Variants in DHX40 observed in about 807,000 individuals in gnomAD.
DHX40 encodes probable ATP-dependent RNA helicase DHX40.
DHX40 carries 28 observed loss-of-function variants against 89.6 expected under a neutral mutation model. The observed-to-expected ratio is 0.31, with a 90% CI of 0.23 to 0.43. DHX40 has a LOEUF of 0.43. Among genes scored for constraint, DHX40 ranks in the 20% least tolerant of loss-of-function variants. DHX40 has a pLI of 1.00. For missense variants in DHX40, 457 were observed against 844.0 expected, an observed-to-expected ratio of 0.54 and a Z score of 5.68; for synonymous variants, 226 against 283.6, an observed-to-expected ratio of 0.80 and a Z score of 2.04.
intron 14 of DHX40, among the ~76,000 whole-genome samples, chr17:59,601,142 TA>T (rs754817890): frequency 5.3e-3 from 646 of 122,508 alleles, no homozygotes; most frequent in Middle Eastern, 8.3e-3. Flanking sequence ...TTGTCTCTAC[TA>T]AAAAAAAAAA....
chr17:59,577,152 A>T (rs1477292678), intron 7 of DHX40, 114 bp from the exon 8 acceptor site: 4 of 838,448 alleles, frequency 4.8e-6, no homozygotes, highest in Non-Finnish European at 7.9e-6. Flanking sequence ...TACAGGCGTG[A>T]GTCACCACGC....
At chr17:59,600,021 G>A (rs1183928614) in intron 14 of DHX40, among the ~76,000 whole-genome samples, 2 of 151,916 alleles carry the variant, frequency 1.3e-5, no homozygotes, top group Non-Finnish European at 2.9e-5. Flanking sequence ...ATGGGGTTTT[G>A]CCGTGTTGGC....
intron 3 of DHX40, among the ~76,000 whole-genome samples, chr17:59,572,281 C>T (rs1437457668): frequency 6.6e-6 from 1 of 152,154 alleles, no homozygotes; most frequent in Admixed American, 6.6e-5. Flanking sequence ...TCCTAGTGGT[C>T]ACTGTTTTTT....
At chr17:59,570,065 T>TAATATATTATTATGTAATAC (rs1195740085) in intron 2 of DHX40, among the ~76,000 whole-genome samples, 84 of 116,212 alleles carry the variant, frequency 7.2e-4, no homozygotes, top group Non-Finnish European at 1.2e-3. Flanking sequence ...ATATACATTA[T>TAATATATTATTATGTAATAC]ATTATAATGT....
In DHX40 at chr17:59,570,630, A is replaced by G. The variant is rs747040215; in HGVS notation, c.393A>G (p.Gly131=). ...EMKCTLGSKV[G]YQVRFDDCSS... is the part of the protein sequence containing the mutation. ...AATGCACTTTGGGATCCAAAGTAGG[A>G]TACCAAGTTCGTTTTGATGATTGCA... The change falls in exon 3 of 18, where the codon GGA becomes GGG. Residue 131 remains glycine (G), a synonymous_variant. Coordinates refer to ENST00000251241, the MANE Select transcript of DHX40 (RefSeq NM_024612.5). 6.2e-7 allele frequency: 1 copy of G among 1,608,786 alleles called. No individual in the cohort carries two copies. Among genetic ancestry groups the G allele is most frequent in the Non-Finnish European group, 8.5e-7 (1 of 1,177,594 alleles).
At position 59,575,589 on chromosome 17, in the gene DHX40, C is replaced by T. The variant is rs967574123; in HGVS notation, c.973+118C>T. 3.9e-6 allele frequency: 3 copies of T among 772,860 alleles called. No homozygotes were observed. In the African/African-American group the frequency reaches 5.3e-5, roughly 14 times the overall value. The allele number at this position is 772,860 out of a possible 1,614,324, so 47.9% of individuals were successfully genotyped here. A position where few individuals can be genotyped will look rare whatever the true frequency, so the allele number is the denominator to read the frequency against. ...TTAGGTAAGTTTCACAAACCAGTCTCACCTTTGTAACCCACATCCAGATCA... is the reference window on the plus strand; with the variant it reads ...TTAGGTAAGTTTCACAAACCAGTCTTACCTTTGTAACCCACATCCAGATCA... On this transcript the variant is annotated intron_variant, in intron 7 of 17. Transcript: ENST00000251241.
chr17:59,607,449 T>A lies in DHX40; in HGVS notation c.*277T>A. 1.6e-6 allele frequency: 1 copy of A among 607,580 alleles called. No homozygotes were observed. The highest frequency in any genetic ancestry group is 1.8e-5 in the African/African-American group (1 of 54,178). 37.6% of individuals were successfully genotyped at this position (607,580 alleles called of 1,614,324 possible). A position where few individuals can be genotyped will look rare whatever the true frequency, so the allele number is the denominator to read the frequency against. On this transcript the variant is annotated 3_prime_UTR_variant, in exon 18 of 18. Coordinates refer to ENST00000251241, the MANE Select transcript of DHX40 (RefSeq NM_024612.5). ...AATATTTTCCTCAGTACAATTTTGC[T>A]GGCCTTAACTGGTATCAAACGCTGT...
intron 10 of DHX40, among the ~76,000 whole-genome samples, chr17:59,585,696 C>T (rs2048984385): frequency 1.3e-5 from 2 of 150,706 alleles, no homozygotes; most frequent in South Asian, 4.2e-4. Flanking sequence ...GCACTCCAGC[C>T]TGGGCAACAG....
intron 2 of DHX40, among the ~76,000 whole-genome samples, chr17:59,570,030 G>A (rs2048770765): frequency 7.4e-6 from 1 of 135,386 alleles, no homozygotes; most frequent in East Asian, 2.0e-4. Flanking sequence ...GGCAACAAGA[G>A]CAAAACTCTG....
At chr17:59,602,652 T>TTGGATC in intron 15 of DHX40, 36 bp downstream of exon 15, 2 of 1,514,954 alleles carry the variant, frequency 1.3e-6, no homozygotes, top group Non-Finnish European at 1.8e-6. Flanking sequence ...GATCAAGATA[T>TTGGATC]AATACTGTAT....
chr17:59,594,779 G>T (rs1032260837), intron 12 of DHX40, among the ~76,000 whole-genome samples: 2 of 152,004 alleles, frequency 1.3e-5, no homozygotes, highest in African/African-American at 4.8e-5. Flanking sequence ...AGGAGTCAGG[G>T]AAAGGGTGCC....
In DHX40 at chr17:59,607,450, G is replaced by A. The variant is rs1479282771; in HGVS notation, c.*278G>A. ...ATATTTTCCTCAGTACAATTTTGCT[G>A]GCCTTAACTGGTATCAAACGCTGTC... On this transcript the variant is annotated 3_prime_UTR_variant, in exon 18 of 18. Coordinates refer to ENST00000251241, the MANE Select transcript of DHX40 (RefSeq NM_024612.5). The A allele has an allele frequency of 3.3e-6, 2 of 605,952 alleles. No individual in the cohort carries two copies. The highest frequency in any genetic ancestry group is 3.7e-5 in the African/African-American group (2 of 54,022). The allele number at this position is 605,952 out of a possible 1,614,324, so 37.5% of individuals were successfully genotyped here.
At chr17:59,566,507 A>G in intron 1 of DHX40, 120 bp from the exon 2 acceptor site, 1 of 946,974 alleles carries the variant, frequency 1.1e-6, no homozygotes, top group Non-Finnish European at 1.5e-6. Context: ...TTAACTGAGA[A>G]GTCATGGATG....
Position 59,570,683 on chromosome 17 carries a change from A to C in DHX40, c.426+20A>C. On this transcript the variant is annotated intron_variant, in intron 3 of 17. Transcript: ENST00000251241. ...TCTAAGGTACAAAAGTCTTGTTGGT[A>C]TTTGTTTCTTTTCTTTTATGGGACA... is the stretch of plus-strand genomic sequence containing the variant. The C allele has an allele frequency of 1.9e-6, 3 of 1,593,326 alleles. No homozygotes were observed. The highest frequency in any genetic ancestry group is 2.6e-6 in the Non-Finnish European group (3 of 1,169,560).
chr17:59,602,252 CT>C (rs1225415506), intron 14 of DHX40, among the ~76,000 whole-genome samples: 3 of 152,164 alleles, frequency 2.0e-5, no homozygotes, highest in Non-Finnish European at 4.4e-5. Flanking sequence ...GGTCTGCAGT[CT>C]TTATCAAGGC....
At chr17:59,586,660 C>T (rs2531921) in intron 11 of DHX40, among the ~76,000 whole-genome samples, 1 of 148,406 alleles carries the variant, frequency 6.7e-6, no homozygotes. Flanking sequence ...AGCGAAACTC[C>T]ATCTGAAAAA....
chr17:59,586,260 T>G, intron 11 of DHX40, 27 bp downstream of exon 11: 1 of 1,354,574 alleles, frequency 7.4e-7, no homozygotes, highest in Non-Finnish European at 1.0e-6. Flanking sequence ...AAAATCACAA[T>G]CAAAACAGAT....
chr17:59,591,792 C>G (rs2049086802), intron 12 of DHX40, among the ~76,000 whole-genome samples: 1 of 151,868 alleles, frequency 6.6e-6, no homozygotes, highest in African/African-American at 2.4e-5. Context: ...TCCCTTACCA[C>G]AAAATATTTA....
At chr17:59,591,000 C>G (rs1488232537) in intron 12 of DHX40, among the ~76,000 whole-genome samples, 1 of 150,630 alleles carries the variant, frequency 6.6e-6, no homozygotes, top group East Asian at 2.0e-4. Flanking sequence ...TAGCAAGACC[C>G]CATCTCTGAT....
Sources: allele counts gnomAD v4.1 joint callset (sites outside exome capture counted in the v4.1 genomes callset), GRCh38; gene constraint gnomAD v4.1.1; transcripts MANE v1.5; gene names NCBI Gene and HGNC (gene_info 2026-07-23, HGNC 2026-07-21).